RBFOX1: variants seen among roughly 807,000 people sequenced by gnomAD.
The protein encoded by RBFOX1 is RNA binding protein fox-1 homolog 1.
A neutral mutation model predicts 57.7 loss-of-function variants in RBFOX1; 8 were observed. The ratio of observed to expected loss-of-function variants is 0.14; its 90% CI spans 0.08 to 0.25. The LOEUF (loss-of-function observed/expected upper bound fraction) is 0.25, where lower values mean the gene tolerates loss of function less well. Among genes scored for constraint, RBFOX1 ranks in the 10% least tolerant of loss-of-function variants. The probability of loss-of-function intolerance (pLI) is 1.00; values close to 1 mark genes in which losing one functional copy is unlikely to be tolerated. For synonymous variants in RBFOX1, 326 were observed against 222.4 expected, an observed-to-expected ratio of 1.47 and a Z score of -4.15; for missense variants, 611 against 548.5, an observed-to-expected ratio of 1.11 and a Z score of -1.14.
intron 4 of RBFOX1, among the ~76,000 whole-genome samples, chr16:7,259,074 C>G (rs1341206969): frequency 6.6e-6 from 1 of 152,190 alleles, no homozygotes; most frequent in Non-Finnish European, 1.5e-5. Flanking sequence ...TGAAACAAAG[C>G]TACTTTATGA....
At chr16:7,569,945 AGTTT>A (rs549069780) in intron 5 of RBFOX1, among the ~76,000 whole-genome samples, 21 of 152,234 alleles carry the variant, frequency 1.4e-4, no homozygotes, top group Non-Finnish European at 2.8e-4. Context: ...GATTGTTATT[AGTTT>A]GTTTGGGGGA....
chr16:6,234,169 A>C (rs980349988), intron 1 of RBFOX1, among the ~76,000 whole-genome samples: 2 of 152,154 alleles, frequency 1.3e-5, no homozygotes, highest in Non-Finnish European at 2.9e-5. Context: ...TTTCACCATC[A>C]CAGTGGCATT....
intron 3 of RBFOX1, among the ~76,000 whole-genome samples, chr16:6,728,896 A>G (rs575619497): frequency 8.3e-4 from 126 of 152,354 alleles, no homozygotes; most frequent in South Asian, 1.9e-3. Context: ...AATGATATAT[A>G]TATAGTACAT....
chr16:6,609,427 C>T (rs928414122), intron 2 of RBFOX1, among the ~76,000 whole-genome samples: 4 of 152,076 alleles, frequency 2.6e-5, no homozygotes, highest in Admixed American at 2.6e-4. Flanking sequence ...TCACTGCAAT[C>T]TCCTCTGCCT....
chr16:6,729,678 G>A (rs1221037943), intron 3 of RBFOX1, among the ~76,000 whole-genome samples: 1 of 152,046 alleles, frequency 6.6e-6, no homozygotes, highest in Non-Finnish European at 1.5e-5. Context: ...CTTAATATAT[G>A]ACCTCAGATT....
At chr16:5,642,321 C>T (rs989722316) in intron 3 of RBFOX1, among the ~76,000 whole-genome samples, 17 of 152,172 alleles carry the variant, frequency 1.1e-4, no homozygotes, top group Non-Finnish European at 2.4e-4. Flanking sequence ...TGCGAATTAC[C>T]CGAAATACAT....
chr16:5,360,180 C>T (rs1225071019), intron 1 of RBFOX1, among the ~76,000 whole-genome samples: 1 of 152,238 alleles, frequency 6.6e-6, no homozygotes, highest in Admixed American at 6.5e-5. Flanking sequence ...CCGCCTACTC[C>T]ATCCGTGGAC....
chr16:6,980,679 T>G (rs1413559691), intron 3 of RBFOX1, among the ~76,000 whole-genome samples: 1 of 152,180 alleles, frequency 6.6e-6, no homozygotes, highest in East Asian at 1.9e-4. Context: ...GCTAAATTTC[T>G]GACTCTCCCG....
intron 4 of RBFOX1, among the ~76,000 whole-genome samples, chr16:5,911,280 G>A (rs2058596486): frequency 6.6e-6 from 1 of 152,108 alleles, no homozygotes; most frequent in Admixed American, 6.6e-5. Context: ...TCCATCATCT[G>A]TTTTGACTCC....
At chr16:7,350,053 G>A (rs916006256) in intron 4 of RBFOX1, among the ~76,000 whole-genome samples, 1 of 152,098 alleles carries the variant, frequency 6.6e-6, no homozygotes, top group Admixed American at 6.6e-5. Flanking sequence ...TGGCTGAGGT[G>A]GGAGAATCAC....
intron 1 of RBFOX1, among the ~76,000 whole-genome samples, chr16:6,201,268 A>G (rs906464572): frequency 6.6e-6 from 1 of 152,184 alleles, no homozygotes; most frequent in East Asian, 1.9e-4. Flanking sequence ...CAATGAACAT[A>G]GAGGTGCAGA....
In RBFOX1 at chr16:6,616,937, G is replaced by T. The variant is rs142279620; in HGVS notation, c.-63-37666G>T. On this transcript the variant is annotated intron_variant, in intron 2 of 15. Coordinates refer to ENST00000550418, the MANE Select transcript of RBFOX1 (RefSeq NM_018723.4). ...CTCATTTGTTTACATATTGTCTCTGGTTGGCTTCCTGCCACGACAGCAGAG... is the reference window on the plus strand; with the variant it reads ...CTCATTTGTTTACATATTGTCTCTGTTTGGCTTCCTGCCACGACAGCAGAG... 7.9e-3 allele frequency among the ~76,000 whole-genome samples: 1,205 copies of T among 152,256 alleles called. 11 individuals carry two copies. Among genetic ancestry groups the T allele is most frequent in the Non-Finnish European group, 0.014 (939 of 68,014 alleles).
At chr16:7,291,115 C>G (rs540354786) in intron 4 of RBFOX1, among the ~76,000 whole-genome samples, 1 of 152,044 alleles carries the variant, frequency 6.6e-6, no homozygotes, top group South Asian at 2.1e-4. Flanking sequence ...TGATTATAGC[C>G]CTAGGTTCAA....
In RBFOX1 at chr16:7,712,044, C is replaced by G. The variant is rs6501012; in HGVS notation, c.*1299C>G. 149,891 of 152,664 alleles carry G rather than the reference C, an allele frequency of 0.98. 73,652 individuals carry two copies. The highest frequency in any genetic ancestry group is 1 in the Middle Eastern group (294 of 294). The allele number at this position is 152,664 out of a possible 1,614,324, so 9.5% of individuals were successfully genotyped here. ...AAGGATGCAAAAAAAGAAAAAAGTA[C>G]ATCCACCCTCTTAATCCCAAAAGAA... is the stretch of plus-strand genomic sequence containing the variant. On this transcript the variant is annotated 3_prime_UTR_variant, in exon 16 of 16. Transcript: ENST00000550418.
At chr16:6,873,778 C>A (rs917695659) in intron 3 of RBFOX1, 2 of 152,166 alleles carry the variant, frequency 1.3e-5, no homozygotes, top group African/African-American at 4.8e-5. Context: ...TTAATTATTG[C>A]AGCAACTCTG....
chr16:5,490,850 C>T (rs894131529), intron 2 of RBFOX1, among the ~76,000 whole-genome samples: 1 of 152,120 alleles, frequency 6.6e-6, no homozygotes, highest in Non-Finnish European at 1.5e-5. Context: ...ACACTGAGTA[C>T]AACGATTAAT....
chr16:6,940,863 G>GTATC (rs1567987628), intron 3 of RBFOX1, among the ~76,000 whole-genome samples: 2 of 126,552 alleles, frequency 1.6e-5, no homozygotes, highest in African/African-American at 6.2e-5. Flanking sequence ...GTGTGTGTGT[G>GTATC]TGTGTGTGTG....
At chr16:7,011,313 A>G (rs143394846) in intron 3 of RBFOX1, among the ~76,000 whole-genome samples, 1 of 152,264 alleles carries the variant, frequency 6.6e-6, no homozygotes, top group East Asian at 1.9e-4. Flanking sequence ...TTCACTTTGC[A>G]GAAGGAGAAA....
chr16:6,509,386 C>T (rs939828989), intron 2 of RBFOX1, among the ~76,000 whole-genome samples: 57 of 152,186 alleles, frequency 3.7e-4, no homozygotes, highest in African/African-American at 1.4e-3. Context: ...TTTGCAACAA[C>T]ATAGATGGAA....
Sources: allele counts gnomAD v4.1 joint callset (sites outside exome capture counted in the v4.1 genomes callset), GRCh38; gene constraint gnomAD v4.1.1; transcripts MANE v1.5; gene names NCBI Gene and HGNC (gene_info 2026-07-23, HGNC 2026-07-21).